The following NDUFB3 variants were observed in gnomAD, a reference collection of about 807,000 sequenced individuals.
NDUFB3 encodes NADH dehydrogenase [ubiquinone] 1 beta subcomplex subunit 3.
Under a neutral mutation model 9.0 loss-of-function variants are expected in NDUFB3, and 7 were observed. That is an observed-to-expected ratio of 0.78 (90% CI 0.44 to 1.46). The LOEUF is 1.46. Ranked by LOEUF, NDUFB3 falls within the 40% of genes most tolerant of loss-of-function variation. NDUFB3 has a pLI of 0.01. For synonymous variants in NDUFB3, 29 were observed against 38.5 expected, an observed-to-expected ratio of 0.75 and a Z score of 0.91; for missense variants, 93 against 115.4, an observed-to-expected ratio of 0.81 and a Z score of 0.89.
intron 2 of NDUFB3, among the ~76,000 whole-genome samples, chr2:201,080,866 G>A (rs998973301): frequency 2.6e-5 from 4 of 151,528 alleles, no homozygotes; most frequent in Non-Finnish European, 5.9e-5. Context: ...ACCATGCCCT[G>A]CTAATTTTTT....
intron 1 of NDUFB3, among the ~76,000 whole-genome samples, chr2:201,072,631 C>G (rs1191779911): frequency 6.6e-6 from 1 of 151,672 alleles, no homozygotes. Context: ...CATGTTTTTT[C>G]TTTATTTAAC....
Position 201,085,532 on chromosome 2 carries a change from A to G in NDUFB3, c.214A>G (p.Lys72Glu). 1 of 1,613,086 alleles carries G rather than the reference A, an allele frequency of 6.2e-7. No homozygotes were observed. Residue 72 changes from lysine (K) to glutamate (E), a missense_variant, in exon 3 of 3, where the codon AAA (lysine) becomes GAA (glutamate). Physicochemically the swap from Lys to Glu is moderately conservative, Grantham distance 56 (BLOSUM62 1). Transcript: ENST00000237889. ...SFSDVFFKGF[K>E]WGFAAFVVAV... is the part of the protein sequence containing the mutation. ...TTCTGATGTATTCTTTAAAGGATTC[A>G]AATGGGGATTTGCTGCATTTGTGGT... is the stretch of plus-strand genomic sequence containing the variant.
intron 2 of NDUFB3, among the ~76,000 whole-genome samples, chr2:201,083,739 T>G (rs887357080): frequency 1.4e-4 from 21 of 152,254 alleles, no homozygotes; most frequent in Admixed American, 9.2e-4. Flanking sequence ...TCTGTTAATA[T>G]GGCGAGTTAC....
rs561737388 is a variant in NDUFB3 at position 201,076,484 on chromosome 2, A to AATATATATATATATATATATATAT, written c.-2-2391_-2-2368dup. Reference sequence around the variant, plus strand: ...TCCAGAGCAAGACCCTCTATCTTTAAATATATATATATATATATATATATA... The same window carrying AATATATATATATATATATATATAT: ...TCCAGAGCAAGACCCTCTATCTTTAAATATATATATATATATATATATATATATATATATATATATATATATATA... On this transcript the variant is annotated intron_variant, in intron 1 of 2. Transcript: ENST00000237889. Among the ~76,000 whole-genome samples the AATATATATATATATATATATATAT allele has an allele frequency of 6.7e-4, 80 of 120,042 alleles. 1 individual carries two copies. Among genetic ancestry groups the AATATATATATATATATATATATAT allele is most frequent in the Middle Eastern group, 4.6e-3 (1 of 218 alleles). The allele number at this position is 120,042 out of a possible 152,430, so 78.8% of individuals were successfully genotyped here. A position where few individuals can be genotyped will look rare whatever the true frequency, so the allele number is the denominator to read the frequency against.
At chr2:201,082,295 G>A (rs1245120335) in intron 2 of NDUFB3, among the ~76,000 whole-genome samples, 1 of 151,724 alleles carries the variant, frequency 6.6e-6, no homozygotes, top group Non-Finnish European at 1.5e-5. Context: ...GGGAGATGGA[G>A]TCTCCGTCGC....
chr2:201,085,673 T>C lies in NDUFB3; in HGVS notation c.*58T>C. ...TAACTCTCCAAAATAAGATTTCTTC[T>C]CTGTAGCCTACTTGTCTGGTTTATC... is the stretch of plus-strand genomic sequence containing the variant. On this transcript the variant is annotated 3_prime_UTR_variant, in exon 3 of 3. Transcript: ENST00000237889. 6.8e-7 allele frequency: 1 copy of C among 1,469,330 alleles called. No homozygotes were observed. Among genetic ancestry groups the C allele is most frequent in the South Asian group, 1.3e-5 (1 of 77,148 alleles). 91.0% of individuals were successfully genotyped at this position (1,469,330 alleles called of 1,614,324 possible).
chr2:201,076,535 CATA>C (rs1239861461), intron 1 of NDUFB3, among the ~76,000 whole-genome samples: 1 of 140,800 alleles, frequency 7.1e-6, no homozygotes. Context: ...AAATCATCAA[CATA>C]ATGTTTTTTA....
chr2:201,075,819 A>G (rs1001351376), intron 1 of NDUFB3, among the ~76,000 whole-genome samples: 12 of 152,284 alleles, frequency 7.9e-5, no homozygotes, highest in African/African-American at 2.9e-4. Flanking sequence ...TTCAAAAACT[A>G]TTCTATCAAA....
At chr2:201,084,330 G>A (rs148104956) in intron 2 of NDUFB3, among the ~76,000 whole-genome samples, 4,529 of 151,898 alleles carry the variant, frequency 0.03, 107 homozygotes, top group Middle Eastern at 0.088. Context: ...ACATGGTGGC[G>A]GGCACCTATA....
At chr2:201,082,253 G>GTTGTTTGTTTGT (rs375926671) in intron 2 of NDUFB3, among the ~76,000 whole-genome samples, 10 of 151,390 alleles carry the variant, frequency 6.6e-5, no homozygotes, top group African/African-American at 2.4e-4. Context: ...CAGGCCTGGC[G>GTTGTTTGTTTGT]TTGTTTGTTT....
chr2:201,078,752 T>C, intron 1 of NDUFB3, 129 bp from the exon 2 acceptor site: 1 of 896,014 alleles, frequency 1.1e-6, no homozygotes, highest in Non-Finnish European at 1.6e-6. Context: ...TTAACTGGAA[T>C]TTTCAAGTAT....
intron 1 of NDUFB3, among the ~76,000 whole-genome samples, chr2:201,077,406 A>G (rs1206346119): frequency 6.6e-6 from 1 of 152,158 alleles, no homozygotes; most frequent in African/African-American, 2.4e-5. Flanking sequence ...TAGTAAAACC[A>G]AAGTATTTAT....
chr2:201,080,119 G>A (rs1281555861), intron 2 of NDUFB3, among the ~76,000 whole-genome samples: 2 of 152,110 alleles, frequency 1.3e-5, no homozygotes, highest in East Asian at 1.9e-4. Flanking sequence ...CTTACATTCT[G>A]TGATCTGTTT....
intron 2 of NDUFB3, among the ~76,000 whole-genome samples, chr2:201,084,470 A>AT (rs2047266250): frequency 6.6e-6 from 1 of 151,062 alleles, no homozygotes; most frequent in Admixed American, 6.6e-5. Context: ...AAATAAATAA[A>AT]CAAACAAACA....
chr2:201,079,829 TAA>T (rs2047204301), intron 2 of NDUFB3: 1 of 152,208 alleles, frequency 6.6e-6, no homozygotes, highest in African/African-American at 2.4e-5. Context: ...CTTTATCAGA[TAA>T]AAGTTTTGTG....
intron 1 of NDUFB3, among the ~76,000 whole-genome samples, chr2:201,077,716 GTTAC>G (rs1182211211): frequency 2.6e-5 from 4 of 152,020 alleles, no homozygotes; most frequent in Admixed American, 1.3e-4. Context: ...TTTGTAGTCA[GTTAC>G]TTACTACATT....
Position 201,081,270 on chromosome 2 carries a change from G to A in NDUFB3, c.140+2248G>A, listed in dbSNP as rs1454822634. 6.6e-5 allele frequency among the ~76,000 whole-genome samples: 10 copies of A among 151,768 alleles called. No individual in the cohort carries two copies. In the East Asian group the frequency reaches 1.8e-3, roughly 27 times the overall value. On this transcript the variant is annotated intron_variant, in intron 2 of 2. Coordinates refer to ENST00000237889, the MANE Select transcript of NDUFB3 (RefSeq NM_002491.3). ...AGGCCGAGGCGGGTGGATCACTTAA[G>A]GTCAGGTGTTCGAGACCAGCCTGGG...
At position 201,085,406 on chromosome 2, in the gene NDUFB3, G is replaced by A. The variant is rs1207526265; in HGVS notation, c.141-53G>A. The A allele has an allele frequency of 1.9e-5, 26 of 1,383,572 alleles. No individual in the cohort carries two copies. The East Asian group carries it at 2.1e-4, about 11-fold the overall frequency. The allele number at this position is 1,383,572 out of a possible 1,614,324, so 85.7% of individuals were successfully genotyped here. A position where few individuals can be genotyped will look rare whatever the true frequency, so the allele number is the denominator to read the frequency against. ...AAGATGAAAATTAAATGTCTTCAAC[G>A]TATATACACACACGTTGTGTATGAT... On this transcript the variant is annotated intron_variant, in intron 2 of 2. Transcript: ENST00000237889.
chr2:201,081,505 A>T (rs2047221994), intron 2 of NDUFB3, among the ~76,000 whole-genome samples: 1 of 151,864 alleles, frequency 6.6e-6, no homozygotes, highest in Non-Finnish European at 1.5e-5. Context: ...AAATTTAGGG[A>T]TAAGTGATGT....
Sources: allele counts gnomAD v4.1 joint callset (sites outside exome capture counted in the v4.1 genomes callset), GRCh38; gene constraint gnomAD v4.1.1; transcripts MANE v1.5; gene names NCBI Gene and HGNC (gene_info 2026-07-23, HGNC 2026-07-21).